The following TCF3 variants were observed in gnomAD, a reference collection of about 807,000 sequenced individuals.
The protein encoded by TCF3 is transcription factor E2-alpha.
A neutral mutation model predicts 72.3 loss-of-function variants in TCF3; 54 were observed. That is an observed-to-expected ratio of 0.75 (90% CI 0.60 to 0.94). The LOEUF (loss-of-function observed/expected upper bound fraction) is 0.94, where lower values mean the gene tolerates loss of function less well. TCF3 is among the 40% of genes least tolerant of loss of function. The pLI is 0.00. For missense variants in TCF3, 1,078 were observed against 934.4 expected, an observed-to-expected ratio of 1.15 and a Z score of -2.00; for synonymous variants, 525 against 412.6, an observed-to-expected ratio of 1.27 and a Z score of -3.30.
intron 3 of TCF3, 97 bp downstream of exon 3, chr19:1,646,258 C>G: frequency 7.6e-7 from 1 of 1,323,336 alleles, no homozygotes; most frequent in Non-Finnish European, 1.0e-6. Context: ...CATTGTCTCC[C>G]TCCTTTGCTG....
At chr19:1,646,908 T>G (rs1316712008) in intron 2 of TCF3, among the ~76,000 whole-genome samples, 1 of 152,242 alleles carries the variant, frequency 6.6e-6, no homozygotes. Flanking sequence ...TTCCTGTGTG[T>G]GCACTGGCCC....
At chr19:1,642,869 C>A (rs376644247) in intron 3 of TCF3, among the ~76,000 whole-genome samples, 6 of 152,290 alleles carry the variant, frequency 3.9e-5, no homozygotes, top group African/African-American at 1.4e-4. Flanking sequence ...CAGGTTCTCC[C>A]GGGGTTTCCT....
intron 5 of TCF3, among the ~76,000 whole-genome samples, chr19:1,631,742 C>A (rs1019085878): frequency 6.6e-6 from 1 of 152,232 alleles, no homozygotes; most frequent in African/African-American, 2.4e-5. Flanking sequence ...GACCCCTCCC[C>A]GGGAAGCAGG....
Position 1,636,162 on chromosome 19 carries a change from A to T in TCF3, c.146-3757T>A, listed in dbSNP as rs541767751. Reference sequence around the variant, plus strand: ...CTTGGGTGGAGCAGTATTTTAAAAAATTTTTTTTTTCTTTTGCTTTGAGAC... The same window carrying T: ...CTTGGGTGGAGCAGTATTTTAAAAATTTTTTTTTTTCTTTTGCTTTGAGAC... On this transcript the variant is annotated intron_variant, in intron 3 of 18. Transcript: ENST00000262965. 4.6e-3 allele frequency among the ~76,000 whole-genome samples: 692 copies of T among 150,870 alleles called. 6 individuals carry two copies. The highest frequency in any genetic ancestry group is 6.4e-3 in the Non-Finnish European group (436 of 67,622).
intron 4 of TCF3, 63 bp from the exon 5 acceptor site, chr19:1,632,179 A>G: frequency 6.3e-7 from 1 of 1,577,200 alleles, no homozygotes; most frequent in African/African-American, 1.4e-5. Flanking sequence ...TCCACCCCGC[A>G]TTACAGCTGG....
chr19:1,612,897 G>A (rs2061174282), intron 18 of TCF3, among the ~76,000 whole-genome samples: 1 of 145,808 alleles, frequency 6.9e-6, no homozygotes, highest in South Asian at 2.2e-4. Flanking sequence ...TGTGGGTGTG[G>A]ACAGCAGTGG....
intron 7 of TCF3, 91 bp downstream of exon 7, chr19:1,625,485 C>G: frequency 7.1e-7 from 1 of 1,410,402 alleles, no homozygotes; most frequent in Non-Finnish European, 9.3e-7. Context: ...GGTCTGCTCC[C>G]TCTGGTGCCC....
chr19:1,623,867 G>T, intron 8 of TCF3, 84 bp downstream of exon 8: 1 of 1,429,956 alleles, frequency 7.0e-7, no homozygotes. Flanking sequence ...ACCCCGCCAT[G>T]TGTGTTCCCA....
chr19:1,630,923 G>A (rs188557529), intron 5 of TCF3, among the ~76,000 whole-genome samples: 7 of 152,376 alleles, frequency 4.6e-5, no homozygotes, highest in Admixed American at 1.3e-4. Context: ...AGGAGGGACC[G>A]CACACGGGAC....
Position 1,620,867 on chromosome 19 carries a change from C to A in TCF3, c.1093+101G>T, listed in dbSNP as rs115089985. On this transcript the variant is annotated intron_variant, in intron 13 of 18. Transcript: ENST00000262965. ...TCCCAGCAAGGTGCAGACACCAGAACCAGCCTCCCCTCCCCCGCAAAGCCT... is the reference window on the plus strand; with the variant it reads ...TCCCAGCAAGGTGCAGACACCAGAAACAGCCTCCCCTCCCCCGCAAAGCCT... 2,879 of 1,227,180 alleles carry A rather than the reference C, an allele frequency of 2.3e-3. 39 individuals carry two copies. Among genetic ancestry groups the A allele is most frequent in the African/African-American group, 0.02 (1,233 of 63,080 alleles). The allele number at this position is 1,227,180 out of a possible 1,614,324, so 76.0% of individuals were successfully genotyped here. A position where few individuals can be genotyped will look rare whatever the true frequency, so the allele number is the denominator to read the frequency against.
rs879844727 is a variant in TCF3 at position 1,609,701 on chromosome 19, C to T, written c.*2006G>A. The T allele has an allele frequency of 1.3e-5, 3 of 227,766 alleles. No individual in the cohort carries two copies. Among genetic ancestry groups the T allele is most frequent in the East Asian group, 6.3e-5 (1 of 15,924 alleles). 14.1% of individuals were successfully genotyped at this position (227,766 alleles called of 1,614,324 possible). On this transcript the variant is annotated 3_prime_UTR_variant, in exon 19 of 19. Coordinates refer to ENST00000262965, the MANE Select transcript of TCF3 (RefSeq NM_003200.5). ...AAGCCACCGAGAAGGGAGAGGCAGCCGGACAGCCCCTCCCCTCCGCCTGGC... is the reference window on the plus strand; with the variant it reads ...AAGCCACCGAGAAGGGAGAGGCAGCTGGACAGCCCCTCCCCTCCGCCTGGC...
chr19:1,639,751 G>GA (rs10674333), intron 3 of TCF3, among the ~76,000 whole-genome samples: 10,475 of 53,594 alleles, frequency 0.2, 897 homozygotes, highest in East Asian at 0.39. Flanking sequence ...AGGAAATTAG[G>GA]AAAAAAAAAA....
At chr19:1,640,230 A>C (rs902126517) in intron 3 of TCF3, among the ~76,000 whole-genome samples, 2 of 152,070 alleles carry the variant, frequency 1.3e-5, no homozygotes, top group Non-Finnish European at 2.9e-5. Context: ...AGGCGCCTAC[A>C]AACATTATCA....
intron 18 of TCF3, chr19:1,612,102 A>C: frequency 8.4e-7 from 1 of 1,196,710 alleles, no homozygotes; most frequent in Non-Finnish European, 1.1e-6. Flanking sequence ...ACAAAGACAG[A>C]CATGGACAGA....
At chr19:1,643,771 A>G (rs1017278281) in intron 3 of TCF3, among the ~76,000 whole-genome samples, 2 of 152,228 alleles carry the variant, frequency 1.3e-5, no homozygotes, top group Admixed American at 1.3e-4. Context: ...TGTTTAATTA[A>G]TTTTCAGGGA....
intron 7 of TCF3, among the ~76,000 whole-genome samples, chr19:1,624,870 G>A (rs1487701914): frequency 2.0e-5 from 3 of 152,180 alleles, no homozygotes; most frequent in South Asian, 2.1e-4. Flanking sequence ...TTTTCAGGCA[G>A]GGTCTTGCGC....
At chr19:1,645,597 C>A (rs2065968784) in intron 3 of TCF3, among the ~76,000 whole-genome samples, 1 of 152,246 alleles carries the variant, frequency 6.6e-6, no homozygotes, top group African/African-American at 2.4e-5. Flanking sequence ...TCTGCCCCGA[C>A]ACGCCCTCTG....
rs1457813163 is a variant in TCF3 at position 1,632,404 on chromosome 19, A to C, written c.147T>G (p.Gly49=). The change falls in exon 4 of 19, where the codon GGT becomes GGG. Residue 49 remains glycine, a splice_region_variant and synonymous_variant. Coordinates refer to ENST00000262965, the MANE Select transcript of TCF3 (RefSeq NM_003200.5). ...AGCCTGAGCTGGGCCGGTCCTCAAG[A>C]CCTGCAGGCAGGACAGAGAGAGTTA... ...SLAGAQFGGS[G]LEDRPSSGSW... is the part of the protein sequence containing the mutation. 2 of 1,591,150 alleles carry C rather than the reference A, an allele frequency of 1.3e-6. No homozygotes were observed. Among genetic ancestry groups the C allele is most frequent in the Non-Finnish European group, 1.7e-6 (2 of 1,169,244 alleles).
At position 1,610,117 on chromosome 19, in the gene TCF3, A is replaced by C. The variant is rs1318531813; in HGVS notation, c.*1590T>G. On this transcript the variant is annotated 3_prime_UTR_variant, in exon 19 of 19. Coordinates refer to ENST00000262965, the MANE Select transcript of TCF3 (RefSeq NM_003200.5). ...CAGCTGGGAAGAGCTGGTTACCCTC[A>C]TGGCAAAAGACCAGAAAAGGAGACC... 2 of 232,038 alleles carry C rather than the reference A, an allele frequency of 8.6e-6. No individual in the cohort carries two copies. The highest frequency in any genetic ancestry group is 3.6e-4 in the South Asian group (2 of 5,536). 14.4% of individuals were successfully genotyped at this position (232,038 alleles called of 1,614,324 possible). A position where few individuals can be genotyped will look rare whatever the true frequency, so the allele number is the denominator to read the frequency against.
Sources: gnomAD v4.1 joint callset for allele counts (sites outside exome capture counted in the v4.1 genomes callset) on GRCh38, gnomAD v4.1.1 for gene constraint, MANE v1.5 for transcripts, NCBI Gene and HGNC (gene_info 2026-07-23, HGNC 2026-07-21) for gene names.